The following FAM131C variants were observed in gnomAD, a reference collection of about 807,000 sequenced individuals.
The protein encoded by FAM131C is protein FAM131C.
Under a neutral mutation model 29.8 loss-of-function variants are expected in FAM131C, and 14 were observed. That is an observed-to-expected ratio of 0.47 (90% confidence interval 0.31 to 0.73). The LOEUF (loss-of-function observed/expected upper bound fraction) is 0.73. FAM131C is among the 30% of genes least tolerant of loss of function. The pLI, the probability that FAM131C is intolerant of heterozygous loss-of-function variation, is 0.05. For missense variants in FAM131C, 252 were observed against 383.8 expected (o/e 0.66, Z 2.87); for synonymous variants, 86 against 157.8 (o/e 0.54, Z 3.41).
intron 3 of FAM131C, 85 bp downstream of exon 3, chr1:16,062,414 T>G: frequency 9.8e-7 from 1 of 1,021,236 alleles, no homozygotes; most frequent in Non-Finnish European, 1.4e-6. Context: ...CCAGCAGGAC[T>G]GTGTGCCTGG....
At position 16,060,059 on chromosome 1, in the gene FAM131C, A is replaced by G. The variant is rs746565673; in HGVS notation, c.269-8T>C. The G allele has an allele frequency of 2.9e-6, 4 of 1,372,634 alleles. No individual in the cohort carries two copies. In the East Asian group the frequency reaches 7.7e-5, roughly 26 times the overall value. 85.0% of individuals were successfully genotyped at this position (1,372,634 alleles called of 1,614,324 possible). Reference sequence around the variant, plus strand: ...TGATGCTCTGCACCACCCCTGGGGCATGGAGGGCATCTGGGTGACTGTCCT... The same window carrying G: ...TGATGCTCTGCACCACCCCTGGGGCGTGGAGGGCATCTGGGTGACTGTCCT... On this transcript the variant is annotated splice_region_variant and splice_polypyrimidine_tract_variant and intron_variant, in intron 4 of 6. Transcript: ENST00000375662.
chr1:16,065,545 C>A (rs562282993), intron 1 of FAM131C, among the ~76,000 whole-genome samples: 2 of 152,360 alleles, frequency 1.3e-5, no homozygotes, highest in East Asian at 1.9e-4. Context: ...CCCTGCATGG[C>A]TTCTAAGAGG....
chr1:16,066,440 G>T (rs1309408193), intron 1 of FAM131C, among the ~76,000 whole-genome samples: 1 of 152,196 alleles, frequency 6.6e-6, no homozygotes, highest in African/African-American at 2.4e-5. Context: ...AGCTCATCTT[G>T]TTCTTTTTCC....
At chr1:16,065,429 G>A (rs1029503760) in intron 1 of FAM131C, among the ~76,000 whole-genome samples, 3 of 152,228 alleles carry the variant, frequency 2.0e-5, no homozygotes, top group Admixed American at 6.5e-5. Flanking sequence ...GCCCGCCAGC[G>A]GAGGGACTTA....
In FAM131C at chr1:16,059,946, C is replaced by A; in HGVS notation, c.374G>T (p.Gly125Val). Reference sequence around the variant, plus strand: ...GTCCTCAGCTGGGGACAGCTCCCAGCCTGCCGGCTGGGCACTCCAGCCCTT... The same window carrying A: ...GTCCTCAGCTGGGGACAGCTCCCAGACTGCCGGCTGGGCACTCCAGCCCTT... ...EWKGWSAQPA[G>V]WELSPAEDEH... The change falls in exon 5 of 7, where the codon GGC (glycine) becomes GTC (valine). Residue 125 changes from glycine (G) to valine (V), a missense_variant. Coordinates refer to ENST00000375662, the MANE Select transcript of FAM131C (RefSeq NM_182623.3). 5.1e-6 allele frequency: 8 copies of A among 1,582,548 alleles called. No individual in the cohort carries two copies. The South Asian group carries it at 6.8e-5, about 13-fold the overall frequency.
At chr1:16,062,395 G>GCCCCCC in intron 3 of FAM131C, 104 bp downstream of exon 3, 1 of 640,696 alleles carries the variant, frequency 1.6e-6, no homozygotes, top group Non-Finnish European at 2.1e-6. Flanking sequence ...CCCCCCCCCC[G>GCCCCCC]CCCCAGGGCC....
At chr1:16,064,802 A>G (rs1475130578) in intron 1 of FAM131C, among the ~76,000 whole-genome samples, 1 of 152,082 alleles carries the variant, frequency 6.6e-6, no homozygotes, top group Non-Finnish European at 1.5e-5. Flanking sequence ...GCAGGCTTTC[A>G]TGAGGCAGCC....
chr1:16,067,623 TCAACCA>T (rs1246965001), intron 1 of FAM131C, among the ~76,000 whole-genome samples: 2 of 152,170 alleles, frequency 1.3e-5, no homozygotes, highest in Admixed American at 6.5e-5. Flanking sequence ...CCCTCTGTCT[TCAACCA>T]GAGCTTCTCC....
At chr1:16,070,511 G>A (rs1211264913) in intron 1 of FAM131C, among the ~76,000 whole-genome samples, 1 of 152,108 alleles carries the variant, frequency 6.6e-6, no homozygotes, top group East Asian at 1.9e-4. Flanking sequence ...AAAATTAAAG[G>A]CCGGGTGCAG....
At chr1:16,058,985 C>T (rs1371815876) in intron 6 of FAM131C, among the ~76,000 whole-genome samples, 4 of 152,160 alleles carry the variant, frequency 2.6e-5, no homozygotes, top group African/African-American at 9.7e-5. Context: ...GCCTCTGTCC[C>T]CTCCCCGTCC....
intron 2 of FAM131C, among the ~76,000 whole-genome samples, chr1:16,063,094 T>G (rs1570355164): frequency 6.7e-6 from 1 of 148,564 alleles, no homozygotes; most frequent in Admixed American, 6.7e-5. Context: ...CTGAGAAACA[T>G]ATATAAAATT....
At chr1:16,059,094 G>T (rs1485348705) in intron 6 of FAM131C, among the ~76,000 whole-genome samples, 5 of 151,712 alleles carry the variant, frequency 3.3e-5, no homozygotes, top group African/African-American at 1.2e-4. Flanking sequence ...GGTTGCTCGT[G>T]CCTGGTGCTA....
intron 1 of FAM131C, among the ~76,000 whole-genome samples, chr1:16,064,515 T>C (rs2023649159): frequency 6.6e-6 from 1 of 151,958 alleles, no homozygotes; most frequent in Non-Finnish European, 1.5e-5. Flanking sequence ...CCCTCTCCAC[T>C]CTGTCCACTT....
rs149642844 is a variant in FAM131C at position 16,068,934 on chromosome 1, G to A, written c.22+4487C>T. ...TAATGGCCAAAGTCTGGCCTGCAGT[G>A]ATTTGCCGCCACTGTTTACTGAGCA... On this transcript the variant is annotated intron_variant, in intron 1 of 6. Transcript: ENST00000375662. 4.0e-3 allele frequency among the ~76,000 whole-genome samples: 608 copies of A among 152,302 alleles called. 6 individuals carry two copies. The highest frequency in any genetic ancestry group is 0.014 in the African/African-American group (571 of 41,544).
At position 16,062,544 on chromosome 1, in the gene FAM131C, G is replaced by A; in HGVS notation, c.139-10C>T. On this transcript the variant is annotated splice_polypyrimidine_tract_variant and intron_variant, in intron 2 of 6. Transcript: ENST00000375662. ...AATCCATCTGTTTGTCCTAAAACAAGAGGAGAGAGAGGATCAGGCAGGGCC... is the reference window on the plus strand; with the variant it reads ...AATCCATCTGTTTGTCCTAAAACAAAAGGAGAGAGAGGATCAGGCAGGGCC... 5 of 1,559,198 alleles carry A rather than the reference G, an allele frequency of 3.2e-6. No homozygotes were observed. Among genetic ancestry groups the A allele is most frequent in the Non-Finnish European group, 4.3e-6 (5 of 1,158,098 alleles).
At chr1:16,067,249 G>T (rs1359241147) in intron 1 of FAM131C, among the ~76,000 whole-genome samples, 1 of 152,206 alleles carries the variant, frequency 6.6e-6, no homozygotes, top group African/African-American at 2.4e-5. Context: ...TTGCCATGGG[G>T]ACGTCAGGTA....
intron 1 of FAM131C, among the ~76,000 whole-genome samples, chr1:16,065,499 T>A (rs1436439093): frequency 4.6e-5 from 7 of 152,108 alleles, no homozygotes; most frequent in Admixed American, 1.3e-4. Flanking sequence ...TGCCCCCAAT[T>A]CCCCTGGATT....
chr1:16,061,003 A>AG (rs923100392), intron 4 of FAM131C, among the ~76,000 whole-genome samples: 4 of 152,046 alleles, frequency 2.6e-5, no homozygotes, highest in African/African-American at 7.3e-5. Context: ...GAAGATGGAG[A>AG]GGGGGCTGCC....
Position 16,073,512 on chromosome 1 carries a change from G to C in FAM131C, c.-70C>G. On this transcript the variant is annotated 5_prime_UTR_variant, in exon 1 of 7. Transcript: ENST00000375662. ...CCGCGGGGCGTTCATGTCTCCGCGG[G>C]CCCGGGGCTGAGCGCTGCGGAGCCA... 1.0e-6 allele frequency: 1 copy of C among 986,712 alleles called. No homozygotes were observed. The highest frequency in any genetic ancestry group is 1.3e-6 in the Non-Finnish European group (1 of 779,532). The allele number at this position is 986,712 out of a possible 1,614,324, so 61.1% of individuals were successfully genotyped here.
Sources: gnomAD v4.1 joint callset for allele counts (sites outside exome capture counted in the v4.1 genomes callset) on GRCh38, gnomAD v4.1.1 for gene constraint, MANE v1.5 for transcripts, NCBI Gene and HGNC (gene_info 2026-07-23, HGNC 2026-07-21) for gene names.